CDYL2: variants seen among roughly 807,000 people sequenced by gnomAD.
CDYL2 encodes chromodomain Y-like protein 2.
Under a neutral mutation model 49.4 loss-of-function variants are expected in CDYL2, and 23 were observed. The ratio of observed to expected loss-of-function variants is 0.47; its 90% confidence interval spans 0.34 to 0.66. CDYL2 has a LOEUF of 0.66. Among genes scored for constraint, CDYL2 ranks in the 30% least tolerant of loss-of-function variants. The pLI is 0.01. For missense variants in CDYL2, 678 were observed against 656.4 expected, an observed-to-expected ratio of 1.03 and a Z score of -0.36; for synonymous variants, 360 against 268.8, an observed-to-expected ratio of 1.34 and a Z score of -3.32.
intron 1 of CDYL2, among the ~76,000 whole-genome samples, chr16:80,713,651 T>C (rs1904697296): frequency 6.6e-6 from 1 of 152,180 alleles, no homozygotes; most frequent in Non-Finnish European, 1.5e-5. Context: ...TAATGTGACC[T>C]TGCTCCGCTT....
At chr16:80,770,365 T>C (rs1280184142) in intron 1 of CDYL2, among the ~76,000 whole-genome samples, 1 of 152,188 alleles carries the variant, frequency 6.6e-6, no homozygotes, top group Non-Finnish European at 1.5e-5. Context: ...ATTATTCATT[T>C]TTTAAATCAT....
chr16:80,605,095 T>C (rs912169626), intron 6 of CDYL2, among the ~76,000 whole-genome samples: 2 of 151,928 alleles, frequency 1.3e-5, no homozygotes, highest in African/African-American at 4.8e-5. Flanking sequence ...GTAAAAATCA[T>C]AGGAATGAAT....
intron 1 of CDYL2, among the ~76,000 whole-genome samples, chr16:80,697,511 C>G (rs1256396255): frequency 1.3e-5 from 2 of 152,116 alleles, no homozygotes; most frequent in Non-Finnish European, 2.9e-5. Flanking sequence ...AGAACTGGAA[C>G]AAGACAAGGA....
chr16:80,753,100 A>G (rs1475572250), intron 1 of CDYL2, among the ~76,000 whole-genome samples: 1 of 152,224 alleles, frequency 6.6e-6, no homozygotes, highest in African/African-American at 2.4e-5. Flanking sequence ...TAATGCAGTC[A>G]AAGTTTCCTA....
intron 1 of CDYL2, among the ~76,000 whole-genome samples, chr16:80,763,948 G>C (rs966393895): frequency 1.3e-5 from 2 of 152,116 alleles, no homozygotes; most frequent in African/African-American, 4.8e-5. Context: ...AATAGGGAAG[G>C]GGGTAGAGAG....
At chr16:80,693,880 C>A (rs1433275666) in intron 1 of CDYL2, among the ~76,000 whole-genome samples, 1 of 152,106 alleles carries the variant, frequency 6.6e-6, no homozygotes, top group African/African-American at 2.4e-5. Flanking sequence ...GGAATGCATC[C>A]AGTGACAAAT....
intron 1 of CDYL2, among the ~76,000 whole-genome samples, chr16:80,688,522 T>C (rs1372845694): frequency 6.6e-6 from 1 of 152,242 alleles, no homozygotes; most frequent in Non-Finnish European, 1.5e-5. Context: ...TGCTTTTATA[T>C]ACATTGTTTC....
At chr16:80,633,709 C>T (rs1461806215) in intron 2 of CDYL2, among the ~76,000 whole-genome samples, 1 of 150,012 alleles carries the variant, frequency 6.7e-6, no homozygotes, top group Non-Finnish European at 1.5e-5. Context: ...AGAGATGGGG[C>T]TCTGGGACCC....
chr16:80,626,199 G>C (rs535276396), intron 3 of CDYL2, among the ~76,000 whole-genome samples: 1 of 148,366 alleles, frequency 6.7e-6, no homozygotes, highest in African/African-American at 2.5e-5. Flanking sequence ...TCAGCAGAAG[G>C]ATGGGAGGCA....
At chr16:80,660,885 G>C (rs1341426417) in intron 2 of CDYL2, among the ~76,000 whole-genome samples, 1 of 152,162 alleles carries the variant, frequency 6.6e-6, no homozygotes, top group African/African-American at 2.4e-5. Flanking sequence ...ATTCACTGCA[G>C]TGTGCAAGAC....
chr16:80,634,468 G>A (rs572002328), intron 2 of CDYL2, among the ~76,000 whole-genome samples: 3 of 152,090 alleles, frequency 2.0e-5, no homozygotes, highest in Admixed American at 6.5e-5. Flanking sequence ...GACCCAGGGC[G>A]GGGAACATCA....
At chr16:80,780,474 G>A (rs891494005) in intron 1 of CDYL2, among the ~76,000 whole-genome samples, 3 of 138,106 alleles carry the variant, frequency 2.2e-5, no homozygotes, top group Admixed American at 8.1e-5. Context: ...GCACCAACTC[G>A]GCTCACTGCA....
chr16:80,665,690 G>A (rs1305264642), intron 2 of CDYL2, among the ~76,000 whole-genome samples: 1 of 152,094 alleles, frequency 6.6e-6, no homozygotes, highest in Non-Finnish European at 1.5e-5. Context: ...AGGAGATGAA[G>A]ATGGGAGAAG....
At chr16:80,741,536 A>G (rs1905735412) in intron 1 of CDYL2, among the ~76,000 whole-genome samples, 1 of 152,186 alleles carries the variant, frequency 6.6e-6, no homozygotes, top group South Asian at 2.1e-4. Flanking sequence ...TAATACTGAA[A>G]TGAATTCTAT....
chr16:80,783,322 T>C (rs1907332219), intron 1 of CDYL2, among the ~76,000 whole-genome samples: 1 of 152,164 alleles, frequency 6.6e-6, no homozygotes, highest in Non-Finnish European at 1.5e-5. Flanking sequence ...TGAGATACCA[T>C]TTCACAACTA....
At chr16:80,662,896 T>A (rs1342293438) in intron 2 of CDYL2, 4 of 409,844 alleles carry the variant, frequency 9.8e-6, no homozygotes, top group Non-Finnish European at 1.9e-5. Context: ...AAGGGCTGTT[T>A]TAGTTATTCA....
chr16:80,701,965 A>C (rs1904303531), intron 1 of CDYL2, among the ~76,000 whole-genome samples: 1 of 152,224 alleles, frequency 6.6e-6, no homozygotes, highest in South Asian at 2.1e-4. Flanking sequence ...CAAGAAAGCA[A>C]GCCTGAAAAC....
chr16:80,692,242 A>C (rs1910446288), intron 1 of CDYL2, among the ~76,000 whole-genome samples: 1 of 152,166 alleles, frequency 6.6e-6, no homozygotes. Context: ...TATCCATGCA[A>C]AGCTTCTTCA....
At position 80,711,275 on chromosome 16, in the gene CDYL2, C is replaced by T. The variant is rs1452503; in HGVS notation, c.25-26146G>A. 9.5e-3 allele frequency among the ~76,000 whole-genome samples: 1,449 copies of T among 152,244 alleles called. 15 individuals are homozygous for T. Among genetic ancestry groups the T allele is most frequent in the South Asian group, 0.038 (185 of 4,816 alleles). ...GCATTTTCACGTTAACAAAATCAAC[C>T]GCCCAATAGATTCTGTGAACAATAT... On this transcript the variant is annotated intron_variant, in intron 1 of 6. Transcript: ENST00000570137.
Sources: allele counts gnomAD v4.1 joint callset (sites outside exome capture counted in the v4.1 genomes callset), GRCh38; gene constraint gnomAD v4.1.1; transcripts MANE v1.5; gene names NCBI Gene and HGNC (gene_info 2026-07-23, HGNC 2026-07-21).